The following COPA variants were observed in gnomAD, a reference collection of about 807,000 sequenced individuals.
COPA encodes the protein coatomer subunit alpha.
A neutral mutation model predicts 158.7 loss-of-function variants in COPA; 10 were observed. That is an observed-to-expected ratio of 0.06 (90% confidence interval 0.04 to 0.11). The LOEUF (loss-of-function observed/expected upper bound fraction) is 0.11. Among genes scored for constraint, COPA ranks in the 10% least tolerant of loss-of-function variants. COPA has a pLI of 1.00. For missense variants in COPA, 1,065 were observed against 1,536.7 expected (o/e 0.69, Z 5.13); for synonymous variants, 462 against 542.8 (o/e 0.85, Z 2.07).
rs184097746 is a variant in COPA at position 160,296,314 on chromosome 1, A to G, written c.2264-165T>C. ...GGCTGGATTTATTAAATAGCTTCTA[A>G]TGGATGGAACATGGCAGATGTGATG... On this transcript the variant is annotated intron_variant, in intron 21 of 32. Transcript: ENST00000241704. 9.8e-5 allele frequency among the ~76,000 whole-genome samples: 15 copies of G among 152,296 alleles called. No homozygotes were observed. In the East Asian group the frequency reaches 2.5e-3, roughly 26 times the overall value.
chr1:160,291,467 C>T lies in COPA; in HGVS notation c.3288G>A (p.Leu1096=). 1 of 1,613,982 alleles carries T rather than the reference C, an allele frequency of 6.2e-7. No individual in the cohort carries two copies. Among genetic ancestry groups the T allele is most frequent in the South Asian group, 1.1e-5 (1 of 91,076 alleles). The change falls in exon 31 of 33, where the codon CTG becomes CTA. Residue 1096 remains leucine, a synonymous_variant. Transcript: ENST00000241704. ...GCACCAGGATCATGTGCACAGGCTGCAGGTTTGAGTGGGTGAAATAGGCTG... is the reference window on the plus strand; with the variant it reads ...GCACCAGGATCATGTGCACAGGCTGTAGGTTTGAGTGGGTGAAATAGGCTG... The part of the protein sequence containing the change: ...EMAAYFTHSN[L]QPVHMILVLR...
chr1:160,308,810 T>A, intron 13 of COPA: 2 of 330,160 alleles, frequency 6.1e-6, no homozygotes, highest in East Asian at 5.7e-5. Flanking sequence ...AGGGTGAAAG[T>A]CATATCAACT....
intron 32 of COPA, 70 bp downstream of exon 32, chr1:160,290,422 G>T: frequency 6.5e-7 from 1 of 1,527,364 alleles, no homozygotes; most frequent in South Asian, 1.2e-5. Context: ...AGAAAAAAAG[G>T]ACCACCATGT....
chr1:160,300,582 T>C (rs2101831096), intron 17 of COPA, among the ~76,000 whole-genome samples: 1 of 152,196 alleles, frequency 6.6e-6, no homozygotes, highest in East Asian at 1.9e-4. Context: ...TTAATTCCAG[T>C]TGTATGCAAA....
intron 16 of COPA, 37 bp from the exon 17 acceptor site, chr1:160,305,608 A>G (rs759564120): frequency 1.9e-6 from 3 of 1,604,818 alleles, no homozygotes; most frequent in East Asian, 2.3e-5. Flanking sequence ...TCTGTTGGAT[A>G]GGGTAAGTGC....
At chr1:160,337,911 G>A (rs1209896010) in intron 3 of COPA, among the ~76,000 whole-genome samples, 1 of 152,034 alleles carries the variant, frequency 6.6e-6, no homozygotes, top group Non-Finnish European at 1.5e-5. Context: ...TATATTCACA[G>A]TTGTGCAACC....
intron 8 of COPA, among the ~76,000 whole-genome samples, chr1:160,319,591 C>T (rs1481823889): frequency 6.6e-6 from 1 of 150,610 alleles, no homozygotes; most frequent in Non-Finnish European, 1.5e-5. Flanking sequence ...TTCTTTTCAT[C>T]AGCACATGGA....
intron 15 of COPA, 41 bp downstream of exon 15, chr1:160,306,313 C>G (rs765379738): frequency 1.3e-6 from 2 of 1,532,758 alleles, no homozygotes; most frequent in Admixed American, 2.2e-5. Context: ...CCACTCTCCC[C>G]AACTACAGGG....
chr1:160,314,195 A>G (rs1371454551), intron 8 of COPA, 70 bp from the exon 9 acceptor site: 2 of 1,500,996 alleles, frequency 1.3e-6, no homozygotes, highest in Non-Finnish European at 1.8e-6. Context: ...GAGATATGAC[A>G]TCCTCTTCAT....
intron 3 of COPA, among the ~76,000 whole-genome samples, chr1:160,335,791 G>A (rs1446154507): frequency 6.7e-6 from 1 of 150,030 alleles, no homozygotes; most frequent in Non-Finnish European, 1.5e-5. Flanking sequence ...GCTGAGGCAG[G>A]AGAATCGCTT....
At position 160,306,424 on chromosome 1, in the gene COPA, A is replaced by G; in HGVS notation, c.1372T>C (p.Tyr458His). Residue 458 changes from tyrosine to histidine, a missense_variant, in exon 15 of 33, where the codon TAT becomes CAT. Transcript: ENST00000241704. ...AGCAGGAGATTGCCTGTGCCAGCATAGAAGATCTCATCACAGTTGGGCACC... is the reference window on the plus strand; with the variant it reads ...AGCAGGAGATTGCCTGTGCCAGCATGGAAGATCTCATCACAGTTGGGCACC... ...VQVPNCDEIF[Y>H]AGTGNLLLRD... 3 of 1,614,176 alleles carry G rather than the reference A, an allele frequency of 1.9e-6. No individual in the cohort carries two copies. Among genetic ancestry groups the G allele is most frequent in the Non-Finnish European group, 2.5e-6 (3 of 1,180,020 alleles).
chr1:160,338,349 T>C (rs1462427647), intron 3 of COPA, among the ~76,000 whole-genome samples: 2 of 152,218 alleles, frequency 1.3e-5, no homozygotes, highest in Non-Finnish European at 2.9e-5. Flanking sequence ...ATAATTCTAA[T>C]AGCTCTTTTC....
Position 160,305,418 on chromosome 1 carries a change from A to G in COPA, c.1667+15T>C. On this transcript the variant is annotated intron_variant, in intron 17 of 32. Transcript: ENST00000241704. ...GCTGTCTTCTCCCATTCTGTATCCC[A>G]GATAATTAACTTACCCAGTGGTGAC... The G allele has an allele frequency of 6.2e-7, 1 of 1,612,908 alleles. No individual in the cohort carries two copies. Among genetic ancestry groups the G allele is most frequent in the Admixed American group, 1.7e-5 (1 of 59,998 alleles).
chr1:160,305,529 A>G lies in COPA; in HGVS notation c.1571T>C (p.Ile524Thr). 6.2e-7 allele frequency: 1 copy of G among 1,614,128 alleles called. No homozygotes were observed. The highest frequency in any genetic ancestry group is 2.2e-5 in the East Asian group (1 of 44,876). Residue 524 changes from isoleucine to threonine, a missense_variant, in exon 17 of 33, where the codon ATT becomes ACT. Physicochemically the swap from Ile to Thr is moderately conservative, Grantham distance 89 (BLOSUM62 -1). Transcript: ENST00000241704. ...CNRKLDALCN[I>T]HENIRVKSGA... The stretch of plus-strand genomic sequence containing the variant: ...ACTCTTGACACGAATGTTCTCATGA[A>G]TGTTACATAAAGCATCCAGTTTGCG...
intron 8 of COPA, among the ~76,000 whole-genome samples, chr1:160,316,169 C>G (rs1659127899): frequency 6.6e-6 from 1 of 151,838 alleles, no homozygotes; most frequent in Non-Finnish European, 1.5e-5. Flanking sequence ...ACCAGCCTGG[C>G]CGACATAGTG....
At chr1:160,296,839 A>G (rs1277306181) in intron 21 of COPA, among the ~76,000 whole-genome samples, 2 of 152,272 alleles carry the variant, frequency 1.3e-5, no homozygotes, top group Middle Eastern at 3.4e-3. Flanking sequence ...TGTTGTTTCT[A>G]CCTTAAAATA....
intron 27 of COPA, among the ~76,000 whole-genome samples, chr1:160,292,856 T>C (rs556953043): frequency 6.6e-6 from 1 of 152,160 alleles, no homozygotes; most frequent in South Asian, 2.1e-4. Context: ...GTTGTTATTA[T>C]AACAATACTG....
chr1:160,324,390 A>G lies in COPA; in HGVS notation c.607-860T>C, dbSNP rs540918903. On this transcript the variant is annotated intron_variant, in intron 7 of 32. Coordinates refer to ENST00000241704, the MANE Select transcript of COPA (RefSeq NM_004371.4). Reference sequence around the variant, plus strand: ...TTGCTCCCTGAAGTCTCAAACTTCCAGGATCAAGTGATTCTCCTACCTCGG... The same window carrying G: ...TTGCTCCCTGAAGTCTCAAACTTCCGGGATCAAGTGATTCTCCTACCTCGG... Among the ~76,000 whole-genome samples, 5 of 148,106 alleles carry G rather than the reference A, an allele frequency of 3.4e-5. No individual in the cohort carries two copies. The South Asian group carries it at 1.1e-3, about 31-fold the overall frequency.
At chr1:160,329,831 G>A (rs1571179598) in intron 6 of COPA, among the ~76,000 whole-genome samples, 1 of 152,098 alleles carries the variant, frequency 6.6e-6, no homozygotes, top group African/African-American at 2.4e-5. Context: ...AATAATTGCC[G>A]GCCAGGGGCA....
Sources: gnomAD v4.1 joint callset for allele counts (sites outside exome capture counted in the v4.1 genomes callset) on GRCh38, gnomAD v4.1.1 for gene constraint, MANE v1.5 for transcripts, NCBI Gene and HGNC (gene_info 2026-07-23, HGNC 2026-07-21) for gene names.